Variants in TMEM71 observed in about 807,000 individuals in gnomAD.
The protein encoded by TMEM71 is transmembrane protein 71.
A neutral mutation model predicts 38.0 loss-of-function variants in TMEM71; 44 were observed. That is an observed-to-expected ratio of 1.16 (90% CI 0.91 to 1.49). TMEM71 has a LOEUF of 1.49. Ranked by LOEUF, TMEM71 falls within the 40% of genes most tolerant of loss-of-function variation. The probability of loss-of-function intolerance (pLI) is 0.00; values close to 1 mark genes in which losing one functional copy is unlikely to be tolerated. For missense variants in TMEM71, 367 were observed against 348.6 expected, an observed-to-expected ratio of 1.05 and a Z score of -0.42; for synonymous variants, 133 against 122.5, an observed-to-expected ratio of 1.09 and a Z score of -0.56.
At chr8:132,764,737 T>A (rs1056205274), upstream of TMEM71, among the ~76,000 whole-genome samples, 1 of 152,190 alleles carries the variant, frequency 6.6e-6, no homozygotes, top group Admixed American at 6.5e-5. Context: ...ATGGATCCCA[T>A]AGCTGTCTGC....
intron 5 of TMEM71, among the ~76,000 whole-genome samples, chr8:132,733,979 A>T (rs1258587781): frequency 6.6e-6 from 1 of 152,094 alleles, no homozygotes; most frequent in African/African-American, 2.4e-5. Context: ...AGAGAGTACA[A>T]TAGTGGCTGC....
chr8:132,755,699 T>G (rs1828964142), intron 3 of TMEM71, among the ~76,000 whole-genome samples: 1 of 152,210 alleles, frequency 6.6e-6, no homozygotes, highest in Admixed American at 6.5e-5. Flanking sequence ...TCTGATATTT[T>G]TACATCTAAA....
At chr8:132,711,066 G>C in intron 9 of TMEM71, 84 bp from the exon 10 acceptor site, 1 of 1,323,458 alleles carries the variant, frequency 7.6e-7, no homozygotes, top group Admixed American at 2.0e-5. Context: ...ATACCCATTT[G>C]CGCATATATA....
At chr8:132,707,613 C>A (rs994380260), downstream of TMEM71, among the ~76,000 whole-genome samples, 2 of 152,126 alleles carry the variant, frequency 1.3e-5, no homozygotes, top group Admixed American at 1.3e-4. Context: ...TCACCTTCAG[C>A]CATGAGATGA....
Position 132,710,737 on chromosome 8 carries a change from C to A in TMEM71, c.*230G>T, listed in dbSNP as rs774572390. The A allele has an allele frequency of 5.3e-6, 3 of 568,852 alleles. No homozygotes were observed. In the Admixed American group the frequency reaches 1.1e-4, roughly 20 times the overall value. The allele number at this position is 568,852 out of a possible 1,614,324, so 35.2% of individuals were successfully genotyped here. A position where few individuals can be genotyped will look rare whatever the true frequency, so the allele number is the denominator to read the frequency against. ...TTCCCCGTCCTTTTCCTTTCAACTG[C>A]CGGTGTTTGCAAAGGGAAGGCAAAT... is the stretch of plus-strand genomic sequence containing the variant. On this transcript the variant is annotated 3_prime_UTR_variant, in exon 10 of 10. Transcript: ENST00000677595.
At chr8:132,732,039 T>C (rs1827487485) in intron 5 of TMEM71, among the ~76,000 whole-genome samples, 1 of 152,110 alleles carries the variant, frequency 6.6e-6, no homozygotes, top group South Asian at 2.1e-4. Context: ...TATTTATTCA[T>C]TCAATGCAGT....
At chr8:132,772,495 C>T in the TMEM71 span, among the ~76,000 whole-genome samples, 2 of 152,200 alleles carry the variant, frequency 1.3e-5, no homozygotes, top group African/African-American at 4.8e-5. Flanking sequence ...TTTTGTATAT[C>T]CTGTATCCCT....
chr8:132,721,412 C>A (rs1204142012), intron 7 of TMEM71, among the ~76,000 whole-genome samples: 1 of 152,158 alleles, frequency 6.6e-6, no homozygotes, highest in Admixed American at 6.5e-5. Context: ...CTTTAAACTC[C>A]AGCTATACTT....
intron 3 of TMEM71, among the ~76,000 whole-genome samples, chr8:132,753,292 A>G (rs1828825599): frequency 1.3e-5 from 2 of 150,944 alleles, no homozygotes; most frequent in African/African-American, 5.0e-5. Context: ...ATATTGTCTG[A>G]ATATATTTGA....
At chr8:132,726,088 G>A (rs1383213270) in intron 6 of TMEM71, among the ~76,000 whole-genome samples, 2 of 152,158 alleles carry the variant, frequency 1.3e-5, no homozygotes, top group African/African-American at 4.8e-5. Context: ...AGCTCACAGA[G>A]GCAAACATGC....
intron 2 of TMEM71, 22 bp downstream of exon 2, chr8:132,758,818 A>G (rs774466781): frequency 1.9e-6 from 3 of 1,608,600 alleles, no homozygotes; most frequent in Non-Finnish European, 2.6e-6. Flanking sequence ...ATAATTGCGT[A>G]TCACAGTTCT....
chr8:132,769,553 T>C, the TMEM71 span, among the ~76,000 whole-genome samples: 1 of 152,188 alleles, frequency 6.6e-6, no homozygotes, highest in Admixed American at 6.5e-5. Flanking sequence ...CCCAATGCAA[T>C]GGTACTTGGA....
chr8:132,734,892 T>TAAGCACATCTTCC (rs1457690819), intron 5 of TMEM71, among the ~76,000 whole-genome samples: 1 of 152,264 alleles, frequency 6.6e-6, no homozygotes, highest in Non-Finnish European at 1.5e-5. Flanking sequence ...CTGTATCTTC[T>TAAGCACATCTTCC]AAGCACATCT....
intron 8 of TMEM71, 43 bp from the exon 9 acceptor site, chr8:132,714,095 G>A (rs756326628): frequency 6.2e-7 from 1 of 1,611,572 alleles, no homozygotes; most frequent in Non-Finnish European, 8.5e-7. Flanking sequence ...ATTTTAAAGT[G>A]ACCAAAATTG....
At chr8:132,713,486 G>T (rs1446489982) in intron 9 of TMEM71, among the ~76,000 whole-genome samples, 1 of 152,162 alleles carries the variant, frequency 6.6e-6, no homozygotes, top group Admixed American at 6.5e-5. Flanking sequence ...TCGTGCAATA[G>T]GATGGTGCTA....
chr8:132,725,772 G>A (rs147690682), intron 6 of TMEM71, among the ~76,000 whole-genome samples: 1 of 152,176 alleles, frequency 6.6e-6, no homozygotes, highest in Non-Finnish European at 1.5e-5. Context: ...CAGCCAGAAG[G>A]GGGTAGAGAA....
At chr8:132,737,281 C>T (rs1827802199) in intron 5 of TMEM71, among the ~76,000 whole-genome samples, 2 of 152,120 alleles carry the variant, frequency 1.3e-5, no homozygotes, top group South Asian at 4.1e-4. Context: ...TAAAAAGTAA[C>T]GAGAGCTCTG....
chr8:132,736,269 T>C (rs760034296), intron 5 of TMEM71, among the ~76,000 whole-genome samples: 8 of 152,116 alleles, frequency 5.3e-5, no homozygotes, highest in African/African-American at 1.2e-4. Flanking sequence ...ACTTGCCTTG[T>C]TGCTCCAGAA....
At chr8:132,724,444 T>C (rs546996651) in intron 6 of TMEM71, among the ~76,000 whole-genome samples, 1 of 152,204 alleles carries the variant, frequency 6.6e-6, no homozygotes, top group South Asian at 2.1e-4. Flanking sequence ...ATGTCTCTCC[T>C]ACTTGCACAT....
Sources: allele counts gnomAD v4.1 joint callset (sites outside exome capture counted in the v4.1 genomes callset), GRCh38; gene constraint gnomAD v4.1.1; transcripts MANE v1.5; gene names NCBI Gene and HGNC (gene_info 2026-07-23, HGNC 2026-07-21).